The following VRK1 variants were observed in gnomAD, a reference collection of about 807,000 sequenced individuals.
The protein encoded by VRK1 is serine/threonine-protein kinase VRK1.
VRK1 carries 33 observed loss-of-function variants against 57.1 expected under a neutral mutation model. The observed-to-expected ratio is 0.58, with a 90% confidence interval of 0.44 to 0.77. The LOEUF (loss-of-function observed/expected upper bound fraction) is 0.77, where lower values mean the gene tolerates loss of function less well. VRK1 is among the 30% of genes least tolerant of loss of function. The pLI, the probability that VRK1 is intolerant of heterozygous loss-of-function variation, is 0.00. For missense variants in VRK1, 413 were observed against 477.3 expected (o/e 0.87, Z 1.25); for synonymous variants, 137 against 147.8 (o/e 0.93, Z 0.53).
intron 3 of VRK1, among the ~76,000 whole-genome samples, chr14:96,844,998 C>G (rs368875013): frequency 2.0e-5 from 3 of 152,268 alleles, no homozygotes; most frequent in African/African-American, 4.8e-5. Context: ...CAAAAGTCAT[C>G]TCTAGCAACC....
chr14:96,877,426 C>A, intron 12 of VRK1: 2 of 1,167,270 alleles, frequency 1.7e-6, no homozygotes, highest in Non-Finnish European at 2.3e-6. Flanking sequence ...TAGTCCCTCT[C>A]TTTTTCCCGC....
At chr14:96,808,629 CAT>C (rs760432935) in intron 1 of VRK1, among the ~76,000 whole-genome samples, 3 of 150,274 alleles carry the variant, frequency 2.0e-5, no homozygotes, top group South Asian at 2.1e-4. Flanking sequence ...GTTTTGAACT[CAT>C]GTGTAAATGG....
intron 1 of VRK1, among the ~76,000 whole-genome samples, chr14:96,811,274 A>G (rs1886191803): frequency 6.6e-6 from 1 of 152,192 alleles, no homozygotes; most frequent in Non-Finnish European, 1.5e-5. Flanking sequence ...GGAGCTCATC[A>G]TGCTTTGTTT....
chr14:96,808,412 G>A (rs1000641336), intron 1 of VRK1, among the ~76,000 whole-genome samples: 14 of 152,006 alleles, frequency 9.2e-5, no homozygotes, highest in Non-Finnish European at 1.2e-4. Flanking sequence ...AAATTTTTTT[G>A]AAGTGTAACA....
At chr14:96,878,593 T>C (rs1447720904) in intron 12 of VRK1, among the ~76,000 whole-genome samples, 2 of 152,198 alleles carry the variant, frequency 1.3e-5, no homozygotes, top group East Asian at 3.8e-4. Context: ...ATTTTCTAGA[T>C]ACACCTAAAC....
intron 11 of VRK1, among the ~76,000 whole-genome samples, chr14:96,874,940 G>C (rs1237544305): frequency 6.6e-6 from 1 of 152,140 alleles, no homozygotes; most frequent in Non-Finnish European, 1.5e-5. Context: ...CTCAGATGAA[G>C]TTTAACTTAT....
intron 1 of VRK1, among the ~76,000 whole-genome samples, chr14:96,802,880 A>G (rs1349386610): frequency 6.6e-6 from 1 of 152,224 alleles, no homozygotes; most frequent in Non-Finnish European, 1.5e-5. Context: ...TGCTATGAAC[A>G]TTAATGTACA....
At chr14:96,811,637 G>A (rs1886209824) in intron 1 of VRK1, among the ~76,000 whole-genome samples, 1 of 152,148 alleles carries the variant, frequency 6.6e-6, no homozygotes, top group African/African-American at 2.4e-5. Context: ...TGGTTTCTTT[G>A]TGTTCTTAGT....
chr14:96,832,441 T>G (rs1887043885), intron 1 of VRK1, among the ~76,000 whole-genome samples: 1 of 152,166 alleles, frequency 6.6e-6, no homozygotes, highest in Non-Finnish European at 1.5e-5. Flanking sequence ...AACCGAGAGT[T>G]TGAAATCACA....
intron 2 of VRK1, among the ~76,000 whole-genome samples, chr14:96,835,416 T>G (rs1566697825): frequency 6.6e-6 from 1 of 152,338 alleles, no homozygotes; most frequent in East Asian, 1.9e-4. Context: ...TTCTGTGTGC[T>G]CCGGCTTTTC....
Position 96,856,137 on chromosome 14 carries a change from A to G in VRK1, c.717A>G (p.Ser239=). ...SIDAHNGVAP[S]RRGDLEILGY... is the part of the protein sequence containing the mutation. ...CTTCTCTTGCATTTGTAGCCCCATC[A>G]AGACGTGGTGATTTGGAAATACTTG... Residue 239 remains serine (S), a synonymous_variant, in exon 9 of 13, where the codon TCA becomes TCG. Coordinates refer to ENST00000216639, the MANE Select transcript of VRK1 (RefSeq NM_003384.3). 1 of 1,613,722 alleles carries G rather than the reference A, an allele frequency of 6.2e-7. No homozygotes were observed.
In VRK1 at chr14:96,837,268, G is replaced by A. The variant is rs12323351; in HGVS notation, c.161-494G>A. Among the ~76,000 whole-genome samples the A allele has an allele frequency of 8.6e-3, 1,309 of 152,310 alleles. 19 individuals are homozygous for A. The highest frequency in any genetic ancestry group is 0.029 in the African/African-American group (1,218 of 41,572). ...CCACATTAAAATTATTCTGATGGCA[G>A]TTGAAAGTTCTAGTGCCAACATCCT... On this transcript the variant is annotated intron_variant, in intron 2 of 12. Transcript: ENST00000216639.
intron 10 of VRK1, among the ~76,000 whole-genome samples, chr14:96,859,639 A>G (rs1460307341): frequency 6.6e-6 from 1 of 152,124 alleles, no homozygotes; most frequent in Admixed American, 6.5e-5. Context: ...GAGTTAATGA[A>G]TGTGTGTATA....
At chr14:96,827,712 A>T (rs1456846831) in intron 1 of VRK1, among the ~76,000 whole-genome samples, 1 of 152,044 alleles carries the variant, frequency 6.6e-6, no homozygotes, top group African/African-American at 2.4e-5. Context: ...GCACTTGACA[A>T]CTTTTTACAA....
chr14:96,859,246 A>G (rs1467018137), intron 10 of VRK1, among the ~76,000 whole-genome samples: 1 of 148,858 alleles, frequency 6.7e-6, no homozygotes, highest in Non-Finnish European at 1.5e-5. Context: ...ACCTTGTTAA[A>G]TGTATCTACT....
chr14:96,878,425 C>G (rs1483920006), intron 12 of VRK1, among the ~76,000 whole-genome samples: 1 of 152,098 alleles, frequency 6.6e-6, no homozygotes, highest in African/African-American at 2.4e-5. Context: ...TTAGAAATGT[C>G]AGTTTCTTCA....
At chr14:96,839,742 AAG>A (rs1304173537) in intron 3 of VRK1, among the ~76,000 whole-genome samples, 1 of 152,116 alleles carries the variant, frequency 6.6e-6, no homozygotes, top group Non-Finnish European at 1.5e-5. Context: ...ATTGAATAGT[AAG>A]AGAGTTTTTT....
At chr14:96,878,921 C>T (rs146881647) in intron 12 of VRK1, among the ~76,000 whole-genome samples, 79 of 152,174 alleles carry the variant, frequency 5.2e-4, no homozygotes, top group African/African-American at 1.8e-3. Flanking sequence ...ATATTTATGG[C>T]TGGTGTACTT....
intron 3 of VRK1, among the ~76,000 whole-genome samples, chr14:96,842,598 A>G (rs1887509283): frequency 6.6e-6 from 1 of 152,260 alleles, no homozygotes; most frequent in Admixed American, 6.5e-5. Flanking sequence ...CATTAGAGAA[A>G]AAACTTGCAA....
Sources: allele counts gnomAD v4.1 joint callset (sites outside exome capture counted in the v4.1 genomes callset), GRCh38; gene constraint gnomAD v4.1.1; transcripts MANE v1.5; gene names NCBI Gene and HGNC (gene_info 2026-07-23, HGNC 2026-07-21).